NPRL3: variants seen among roughly 807,000 people sequenced by gnomAD.
NPRL3 encodes NPR3 like, GATOR1 complex subunit.
Under a neutral mutation model 57.2 loss-of-function variants are expected in NPRL3, and 23 were observed. The observed-to-expected ratio is 0.40, with a 90% CI of 0.29 to 0.57. The LOEUF (loss-of-function observed/expected upper bound fraction) is 0.57, where lower values mean the gene tolerates loss of function less well. Among genes scored for constraint, NPRL3 ranks in the 20% least tolerant of loss-of-function variants. NPRL3 has a pLI of 0.42. For missense variants in NPRL3, 691 were observed against 767.1 expected, an observed-to-expected ratio of 0.90 and a Z score of 1.17; for synonymous variants, 333 against 321.1, an observed-to-expected ratio of 1.04 and a Z score of -0.39.
At chr16:96,554 T>C (rs1362380178) in intron 9 of NPRL3, among the ~76,000 whole-genome samples, 1 of 146,162 alleles carries the variant, frequency 6.8e-6, no homozygotes, top group Non-Finnish European at 1.5e-5. Context: ...CTCATGCCTG[T>C]AATACCAGCC....
intron 12 of NPRL3, 63 bp from the exon 13 acceptor site, chr16:88,953 G>A (rs536753253): frequency 1.8e-5 from 27 of 1,486,020 alleles, no homozygotes; most frequent in African/African-American, 4.1e-5. Context: ...GAACAGCGAG[G>A]GCAGAGCCAG....
intron 3 of NPRL3, chr16:126,238 T>C (rs2141973205): frequency 6.8e-6 from 1 of 146,254 alleles, no homozygotes; most frequent in Non-Finnish European, 1.5e-5. Flanking sequence ...CTGGCCAACA[T>C]GGAGAAACCC....
At chr16:134,895 G>A (rs1900996168) in intron 2 of NPRL3, among the ~76,000 whole-genome samples, 1 of 151,006 alleles carries the variant, frequency 6.6e-6, no homozygotes, top group African/African-American at 2.4e-5. Context: ...TAGAGACGGG[G>A]TTTCACCTTG....
intron 9 of NPRL3, among the ~76,000 whole-genome samples, chr16:95,832 A>T (rs1898981943): frequency 6.6e-6 from 1 of 152,150 alleles, no homozygotes; most frequent in Admixed American, 6.5e-5. Flanking sequence ...ATCCTCCCAA[A>T]GTGCTGGGAT....
At chr16:90,472 A>ACCCCAC (rs752620779) in intron 11 of NPRL3, 3 of 152,002 alleles carry the variant, frequency 2.0e-5, no homozygotes, top group Non-Finnish European at 4.4e-5. Flanking sequence ...GGGGTGGAGC[A>ACCCCAC]CCCCACCCCC....
In NPRL3 at chr16:118,471, G is replaced by C. The variant is rs1186409609; in HGVS notation, c.318+655C>G. On this transcript the variant is annotated intron_variant, in intron 4 of 13. Transcript: ENST00000611875. The stretch of plus-strand genomic sequence containing the variant: ...TAAGAGGAAATGCTTGCACCACACT[G>C]TAGAAAATTCAAGGGTTTCACGATG... Among the ~76,000 whole-genome samples the C allele has an allele frequency of 3.6e-5, 5 of 138,146 alleles. No homozygotes were observed. In the East Asian group the frequency reaches 9.6e-4, roughly 27 times the overall value. 90.6% of individuals were successfully genotyped at this position (138,146 alleles called of 152,430 possible). A position where few individuals can be genotyped will look rare whatever the true frequency, so the allele number is the denominator to read the frequency against.
intron 2 of NPRL3, 70 bp downstream of exon 2, chr16:138,080 C>A (rs1901195227): frequency 1.7e-6 from 2 of 1,211,060 alleles, no homozygotes; most frequent in Admixed American, 4.1e-5. Flanking sequence ...GCGAGGCGGC[C>A]CTGGAATGAG....
chr16:111,597 A>G (rs987099448), intron 6 of NPRL3, among the ~76,000 whole-genome samples: 3 of 151,854 alleles, frequency 2.0e-5, no homozygotes, highest in African/African-American at 2.4e-5. Context: ...CTACGGGCAC[A>G]TATGACCATG....
At chr16:111,784 G>A (rs1232301932) in intron 6 of NPRL3, among the ~76,000 whole-genome samples, 3 of 152,156 alleles carry the variant, frequency 2.0e-5, no homozygotes, top group Non-Finnish European at 4.4e-5. Context: ...ATGCACCTGA[G>A]TCAGAGAGGC....
At chr16:100,970 C>CAA (rs59640237) in intron 7 of NPRL3, among the ~76,000 whole-genome samples, 19 of 36,118 alleles carry the variant, frequency 5.3e-4, no homozygotes, top group East Asian at 3.8e-3. Flanking sequence ...GACTCTGTCT[C>CAA]AAAAAAAAAA....
At position 122,312 on chromosome 16, in the gene NPRL3, TG is replaced by T. The variant is rs1900318085; in HGVS notation, c.189-3058del. 2.6e-5 allele frequency among the ~76,000 whole-genome samples: 4 copies of T among 151,850 alleles called. No homozygotes were observed. The South Asian group carries it at 8.3e-4, about 32-fold the overall frequency. On this transcript the variant is annotated intron_variant, in intron 3 of 13. Coordinates refer to ENST00000611875, the MANE Select transcript of NPRL3 (RefSeq NM_001077350.3). ...CAAGGTTTCACCACGTTGGCCAGGC[TG>T]GTCTCGACCTCCTGACCTCATGATC...
chr16:111,539 C>T (rs1009328809), intron 6 of NPRL3, among the ~76,000 whole-genome samples: 9 of 152,002 alleles, frequency 5.9e-5, no homozygotes, highest in Non-Finnish European at 4.4e-5. Context: ...ACCTCCACCT[C>T]CCAAGGCTCA....
intron 4 of NPRL3, among the ~76,000 whole-genome samples, chr16:118,897 G>T (rs566776200): frequency 1.8e-3 from 258 of 145,148 alleles, no homozygotes; most frequent in African/African-American, 6.1e-3. Context: ...CTGCCCAGGG[G>T]GAGCCACACC....
intron 9 of NPRL3, among the ~76,000 whole-genome samples, chr16:95,682 A>G (rs1023631715): frequency 2.0e-5 from 3 of 151,976 alleles, no homozygotes; most frequent in African/African-American, 7.3e-5. Context: ...TGATCCTCCC[A>G]CCTCAGCCTC....
At chr16:137,683 AG>A (rs1183537388) in intron 2 of NPRL3, among the ~76,000 whole-genome samples, 1 of 151,680 alleles carries the variant, frequency 6.6e-6, no homozygotes, top group Non-Finnish European at 1.5e-5. Context: ...CCAAGTAGCT[AG>A]GATTATGGGC....
In NPRL3 at chr16:110,597, C is replaced by T; in HGVS notation, c.557G>A (p.Gly186Asp). ...EVSAMADGNE[G>D]PQSPFHHILP... is the part of the protein sequence containing the mutation. ...GATGTGATGGAATGGGGACTGAGGA[C>T]CTTCATTTCCTACAAGAATCACAAC... Residue 186 changes from glycine to aspartate, a missense_variant, in exon 7 of 14, where the codon GGT (glycine) becomes GAT (aspartate). Coordinates refer to ENST00000611875, the MANE Select transcript of NPRL3 (RefSeq NM_001077350.3). 2 of 1,608,568 alleles carry T rather than the reference C, an allele frequency of 1.2e-6. No individual in the cohort carries two copies. The highest frequency in any genetic ancestry group is 1.7e-6 in the Non-Finnish European group (2 of 1,177,262).
In NPRL3 at chr16:111,111, G is replaced by T. The variant is rs559135195; in HGVS notation, c.548-505C>A. Reference sequence around the variant, plus strand: ...AAAACAGAAACATATTATAAATTTTGACAGGTAACCGGGCGCGGTGGCTCA... The same window carrying T: ...AAAACAGAAACATATTATAAATTTTTACAGGTAACCGGGCGCGGTGGCTCA... On this transcript the variant is annotated intron_variant, in intron 6 of 13. Transcript: ENST00000611875. 2.1e-3 allele frequency among the ~76,000 whole-genome samples: 316 copies of T among 152,150 alleles called. 2 individuals are homozygous for T. The highest frequency in any genetic ancestry group is 3.9e-3 in the Non-Finnish European group (268 of 68,014).
chr16:89,742 G>C lies in NPRL3; in HGVS notation c.1322C>G (p.Thr441Arg), dbSNP rs776673140. 6.3e-7 allele frequency: 1 copy of C among 1,594,178 alleles called. No homozygotes were observed. Among genetic ancestry groups the C allele is most frequent in the Non-Finnish European group, 8.5e-7 (1 of 1,173,610 alleles). The stretch of plus-strand genomic sequence containing the variant: ...GGAGCCAAAGCTGAGGGCGTTGGGC[G>C]TGCTGAGGCTGCGACCGCCGACCCG... ...TARVGGRSLSTPNALSFGSPT... is the reference protein window; with the variant it reads ...TARVGGRSLSRPNALSFGSPT... Residue 441 changes from threonine to arginine, a missense_variant, in exon 12 of 14, where the codon ACG (threonine) becomes AGG (arginine). Coordinates refer to ENST00000611875, the MANE Select transcript of NPRL3 (RefSeq NM_001077350.3).
intron 9 of NPRL3, among the ~76,000 whole-genome samples, chr16:96,483 C>A (rs1899010439): frequency 6.6e-6 from 1 of 151,908 alleles, no homozygotes; most frequent in Admixed American, 6.6e-5. Context: ...GTGGGCAGGA[C>A]ATGGTGTTTA....
Sources: allele counts gnomAD v4.1 joint callset (sites outside exome capture counted in the v4.1 genomes callset), GRCh38; gene constraint gnomAD v4.1.1; transcripts MANE v1.5; gene names NCBI Gene and HGNC (gene_info 2026-07-23, HGNC 2026-07-21).